Variants in PKHD1 observed in about 807,000 individuals in gnomAD.
PKHD1 encodes fibrocystin.
A neutral mutation model predicts 412.0 loss-of-function variants in PKHD1; 291 were observed. The observed-to-expected ratio is 0.71, with a 90% CI of 0.64 to 0.78. PKHD1 has a LOEUF of 0.78. PKHD1 is among the 30% of genes least tolerant of loss of function. PKHD1 has a pLI of 0.00. For synonymous variants in PKHD1, 1,777 were observed against 1,821.5 expected (o/e 0.98, Z 0.62); for missense variants, 4,825 against 4,950.7 (o/e 0.97, Z 0.76).
At position 51,729,736 on chromosome 6, in the gene PKHD1, C is replaced by T. The variant is rs182224416; in HGVS notation, c.10156+14649G>A. ...AAATTATCACACTTTTTAATTATTGCAAATATGATTGGGAAAATAATAATA... is the reference window on the plus strand; with the variant it reads ...AAATTATCACACTTTTTAATTATTGTAAATATGATTGGGAAAATAATAATA... On this transcript the variant is annotated intron_variant, in intron 60 of 66. Transcript: ENST00000371117. Among the ~76,000 whole-genome samples the T allele has an allele frequency of 1.3e-3, 202 of 152,172 alleles. No individual in the cohort carries two copies. The Middle Eastern group carries it at 0.014, about 10-fold the overall frequency.
intron 29 of PKHD1, among the ~76,000 whole-genome samples, chr6:52,029,475 G>A (rs1264775047): frequency 6.6e-6 from 1 of 152,128 alleles, no homozygotes; most frequent in African/African-American, 2.4e-5. Context: ...TTCAATAAAA[G>A]ATATACTACA....
intron 65 of PKHD1, among the ~76,000 whole-genome samples, chr6:51,630,429 A>AT (rs1464902164): frequency 6.6e-6 from 1 of 152,202 alleles, no homozygotes; most frequent in East Asian, 1.9e-4. Flanking sequence ...TTCACTACAT[A>AT]TTTTTTGAAA....
intron 36 of PKHD1, among the ~76,000 whole-genome samples, chr6:51,951,124 A>G (rs1790300339): frequency 6.6e-6 from 1 of 152,200 alleles, no homozygotes; most frequent in Non-Finnish European, 1.5e-5. Context: ...ACTAAGATAT[A>G]AGTAAATGCC....
chr6:51,725,236 C>A (rs2150852847), intron 60 of PKHD1, among the ~76,000 whole-genome samples: 1 of 152,194 alleles, frequency 6.6e-6, no homozygotes, highest in East Asian at 1.9e-4. Flanking sequence ...CAGTGTGGGA[C>A]CATGTAAAAC....
Position 52,058,503 on chromosome 6 carries a change from C to T in PKHD1, c.1332G>A (p.Leu444=), listed in dbSNP as rs1281288239. ...AGTACATGGCTCCACCCAACAGCTC[C>T]AACTTGGGAGTCTTCTGCTGCCAGG... ...EGTWQQKTPK[L]ELLGGAMYYL... Residue 444 remains leucine, a synonymous_variant, in exon 16 of 67, where the codon TTG becomes TTA. Transcript: ENST00000371117. 6.8e-6 allele frequency: 11 copies of T among 1,614,052 alleles called. No homozygotes were observed. Among genetic ancestry groups the T allele is most frequent in the African/African-American group, 1.3e-5 (1 of 74,918 alleles).
At chr6:51,838,004 T>C (rs1562429195) in intron 50 of PKHD1, among the ~76,000 whole-genome samples, 2 of 152,216 alleles carry the variant, frequency 1.3e-5, no homozygotes, top group African/African-American at 2.4e-5. Context: ...ATTTCATGCA[T>C]CTTTCTAACT....
At chr6:51,665,672 G>A (rs1172732118) in intron 60 of PKHD1, among the ~76,000 whole-genome samples, 1 of 152,106 alleles carries the variant, frequency 6.6e-6, no homozygotes, top group Non-Finnish European at 1.5e-5. Context: ...ATGCATAGAT[G>A]TAATAATTCA....
intron 55 of PKHD1, among the ~76,000 whole-genome samples, chr6:51,757,850 GA>G (rs201738053): frequency 3.4e-4 from 50 of 147,770 alleles, no homozygotes; most frequent in Non-Finnish European, 1.4e-4. Context: ...AAAGTGAAAA[GA>G]AAAAAAAAAT....
chr6:51,949,212 T>C (rs569665088), intron 36 of PKHD1, among the ~76,000 whole-genome samples: 1 of 152,314 alleles, frequency 6.6e-6, no homozygotes, highest in African/African-American at 2.4e-5. Flanking sequence ...CAATTCACCA[T>C]TTTTTCTTAA....
chr6:52,073,312 A>C, intron 7 of PKHD1, 151 bp downstream of exon 7: 1 of 724,610 alleles, frequency 1.4e-6, no homozygotes, highest in South Asian at 1.5e-5. Context: ...AGTTTGCTGA[A>C]GCCCAGCTCA....
At chr6:51,872,720 A>T (rs891335208) in intron 46 of PKHD1, among the ~76,000 whole-genome samples, 1 of 152,068 alleles carries the variant, frequency 6.6e-6, no homozygotes, top group Non-Finnish European at 1.5e-5. Context: ...TCTTAAAACT[A>T]TTCAGCCTCA....
chr6:52,063,599 C>T (rs967180873), intron 13 of PKHD1, among the ~76,000 whole-genome samples: 18 of 152,148 alleles, frequency 1.2e-4, no homozygotes, highest in African/African-American at 4.1e-4. Flanking sequence ...AGGGTTTCTC[C>T]ACCCCAGCAC....
At chr6:51,910,214 C>A (rs572466223) in intron 39 of PKHD1, among the ~76,000 whole-genome samples, 2 of 152,250 alleles carry the variant, frequency 1.3e-5, no homozygotes, top group East Asian at 3.9e-4. Flanking sequence ...AGGGCACCTT[C>A]TGTTGATACA....
rs12193772 is a variant in PKHD1 at position 52,059,765 on chromosome 6, C to T, written c.1233+163G>A. Among the ~76,000 whole-genome samples the T allele has an allele frequency of 0.013, 1,922 of 152,230 alleles. 29 individuals carry two copies. Among genetic ancestry groups the T allele is most frequent in the South Asian group, 0.046 (219 of 4,808 alleles). ...TACAGTAAATGCTCAATAAATAGTA[C>T]GTTCACATTCAAACAAGTTCTTTTT... On this transcript the variant is annotated intron_variant, in intron 15 of 66. Transcript: ENST00000371117.
In PKHD1 at chr6:51,659,325, T is replaced by C; in HGVS notation, c.10801A>G (p.Met3601Val). 2 of 1,613,886 alleles carry C rather than the reference T, an allele frequency of 1.2e-6. No individual in the cohort carries two copies. The highest frequency in any genetic ancestry group is 1.1e-5 in the South Asian group (1 of 91,088). The change falls in exon 61 of 67, where the codon ATG becomes GTG. Residue 3601 changes from methionine (M) to valine (V), a missense_variant. Met to Val is a conservative substitution (Grantham distance 21). Transcript: ENST00000371117. ...TTTAAGGTCTCTTCATGGCCAGGCA[T>C]CTCGTGAATAAACCTGATTTGGTTT... ...GQNQIRFIHE[M>V]PGHEETLKAI...
At chr6:51,893,081 G>A (rs1411729903) in intron 43 of PKHD1, among the ~76,000 whole-genome samples, 1 of 152,130 alleles carries the variant, frequency 6.6e-6, no homozygotes. Flanking sequence ...CCAGAGAAGG[G>A]GGCTTCTTAA....
In PKHD1 at chr6:52,062,513, A is replaced by G. The variant is rs762544349; in HGVS notation, c.1118+6T>C. Reference sequence around the variant, plus strand: ...GATGTGGGCTCCCACTTTTCCTACAACATACCTGAAAGGTTGTCCTTCCTG... The same window carrying G: ...GATGTGGGCTCCCACTTTTCCTACAGCATACCTGAAAGGTTGTCCTTCCTG... On this transcript the variant is annotated splice_donor_region_variant and intron_variant, in intron 14 of 66. Transcript: ENST00000371117. The G allele has an allele frequency of 1.9e-5, 30 of 1,613,830 alleles. No individual in the cohort carries two copies. Among genetic ancestry groups the G allele is most frequent in the Non-Finnish European group, 2.4e-5 (28 of 1,179,856 alleles).
chr6:51,867,366 G>A (rs1278988872), intron 48 of PKHD1, among the ~76,000 whole-genome samples: 2 of 152,044 alleles, frequency 1.3e-5, no homozygotes, highest in African/African-American at 4.8e-5. Context: ...GAAATGTATT[G>A]TAGGAATCCA....
intron 60 of PKHD1, among the ~76,000 whole-genome samples, chr6:51,731,719 T>G (rs1783257919): frequency 6.6e-6 from 1 of 152,186 alleles, no homozygotes; most frequent in Non-Finnish European, 1.5e-5. Context: ...ATCAATTCTC[T>G]TTAATGTGTA....
Sources: gnomAD v4.1 joint callset for allele counts (sites outside exome capture counted in the v4.1 genomes callset) on GRCh38, gnomAD v4.1.1 for gene constraint, MANE v1.5 for transcripts, NCBI Gene and HGNC (gene_info 2026-07-23, HGNC 2026-07-21) for gene names.